Variants in NTM observed in about 807,000 individuals in gnomAD.
The protein encoded by NTM is neurotrimin.
Under a neutral mutation model 42.1 loss-of-function variants are expected in NTM, and 13 were observed. The ratio of observed to expected loss-of-function variants is 0.31; its 90% confidence interval spans 0.20 to 0.49. The LOEUF (loss-of-function observed/expected upper bound fraction) is 0.49. Among genes scored for constraint, NTM ranks in the 20% least tolerant of loss-of-function variants. The probability of loss-of-function intolerance (pLI) is 0.99; values close to 1 mark genes in which losing one functional copy is unlikely to be tolerated. For missense variants in NTM, 373 were observed against 452.8 expected (o/e 0.82, Z 1.60); for synonymous variants, 187 against 179.2 (o/e 1.04, Z -0.35).
intron 1 of NTM, among the ~76,000 whole-genome samples, chr11:131,733,506 CCTTCCTTCCTTCCTTTCTTT>C (rs1260739933): frequency 6.9e-6 from 1 of 144,774 alleles, no homozygotes; most frequent in Non-Finnish European, 1.5e-5. Flanking sequence ...TTCCTTCCTT[CCTTCCTTCCTTCCTTTCTTT>C]CTTTCTTTCG....
At chr11:131,427,620 C>A (rs758657831) in intron 1 of NTM, among the ~76,000 whole-genome samples, 1 of 152,234 alleles carries the variant, frequency 6.6e-6, no homozygotes, top group African/African-American at 2.4e-5. Flanking sequence ...GTACTTCCCA[C>A]TTCACCTGGT....
At chr11:131,421,810 A>G (rs1591621497) in intron 1 of NTM, among the ~76,000 whole-genome samples, 3 of 152,130 alleles carry the variant, frequency 2.0e-5, no homozygotes, top group Admixed American at 2.0e-4. Context: ...GGGGTTAGCT[A>G]TTTTCTTCTT....
intron 1 of NTM, among the ~76,000 whole-genome samples, chr11:131,684,687 T>G (rs2658846): frequency 0.29 from 43,616 of 152,242 alleles, 6,881 homozygotes; most frequent in African/African-American, 0.41. Context: ...CTGCCTCTGT[T>G]TGAGAAGCCT....
intron 4 of NTM, among the ~76,000 whole-genome samples, chr11:132,290,916 AAAGAT>A (rs958971989): frequency 1.3e-5 from 2 of 152,154 alleles, no homozygotes; most frequent in African/African-American, 2.4e-5. Context: ...TAGTATGACA[AAAGAT>A]AAGATGACGT....
intron 1 of NTM, chr11:131,910,882 C>G (rs551693127): frequency 7.1e-6 from 7 of 985,362 alleles, no homozygotes; most frequent in East Asian, 1.1e-4. Flanking sequence ...GGATCCCGGG[C>G]CCGGATCGCA....
chr11:131,703,109 G>A (rs1311429087), intron 1 of NTM, among the ~76,000 whole-genome samples: 1 of 152,200 alleles, frequency 6.6e-6, no homozygotes, highest in Non-Finnish European at 1.5e-5. Flanking sequence ...AACATTAGAA[G>A]TATTGAGTTA....
intron 4 of NTM, among the ~76,000 whole-genome samples, chr11:132,226,737 GGA>G (rs1212234474): frequency 6.6e-6 from 1 of 152,160 alleles, no homozygotes; most frequent in East Asian, 1.9e-4. Flanking sequence ...ATGACGTCAT[GGA>G]CTGCAGTGGT....
At chr11:131,876,075 G>A (rs369483091) in intron 1 of NTM, among the ~76,000 whole-genome samples, 8 of 152,116 alleles carry the variant, frequency 5.3e-5, no homozygotes, top group African/African-American at 1.9e-4. Flanking sequence ...ATTTGAAGGG[G>A]GATAAAGTAG....
chr11:131,508,784 AAC>A (rs1376431684), intron 1 of NTM, among the ~76,000 whole-genome samples: 6 of 135,720 alleles, frequency 4.4e-5, no homozygotes, highest in Non-Finnish European at 9.5e-5. Flanking sequence ...CTATCGCAAG[AAC>A]AAAAAACCAA....
chr11:132,247,893 A>G (rs1233719723), intron 4 of NTM, among the ~76,000 whole-genome samples: 17 of 152,062 alleles, frequency 1.1e-4, no homozygotes, highest in Admixed American at 1.1e-3. Flanking sequence ...TGTATCTCTA[A>G]TCTTAAATCT....
At chr11:131,790,003 A>G (rs545034451) in intron 1 of NTM, among the ~76,000 whole-genome samples, 1 of 151,834 alleles carries the variant, frequency 6.6e-6, no homozygotes. Flanking sequence ...AATGAAGAAA[A>G]CAACACATTT....
chr11:131,787,489 G>A (rs7941858), intron 1 of NTM, among the ~76,000 whole-genome samples: 54,898 of 151,306 alleles, frequency 0.36, 10,611 homozygotes, highest in East Asian at 0.56. Flanking sequence ...GGGTTCAAGC[G>A]ATTCTCCTGC....
chr11:131,836,615 C>T (rs528710533), intron 1 of NTM, among the ~76,000 whole-genome samples: 2 of 152,172 alleles, frequency 1.3e-5, no homozygotes, highest in African/African-American at 4.8e-5. Context: ...CCTCTGTATG[C>T]TTCTCTCCAT....
intron 1 of NTM, among the ~76,000 whole-genome samples, chr11:131,618,395 G>A (rs959291090): frequency 1.1e-4 from 17 of 152,354 alleles, no homozygotes; most frequent in African/African-American, 4.1e-4. Context: ...ATGGCCAAGT[G>A]CAATCCAAGA....
chr11:131,599,740 A>G (rs1487020929), intron 1 of NTM, among the ~76,000 whole-genome samples: 1 of 152,188 alleles, frequency 6.6e-6, no homozygotes, highest in Non-Finnish European at 1.5e-5. Context: ...GGCACCCCAG[A>G]AGCACAGAAA....
intron 1 of NTM, chr11:131,663,321 A>T (rs1338902850): frequency 6.6e-6 from 1 of 152,112 alleles, no homozygotes; most frequent in African/African-American, 2.4e-5. Flanking sequence ...GTTTAACTTC[A>T]CAGCTTGGCT....
intron 1 of NTM, among the ~76,000 whole-genome samples, chr11:131,401,988 G>A (rs1264392243): frequency 6.6e-6 from 1 of 150,622 alleles, no homozygotes; most frequent in East Asian, 2.0e-4. Context: ...CAAAGTCTTG[G>A]CAGAAGACAC....
intron 1 of NTM, among the ~76,000 whole-genome samples, chr11:131,765,809 C>T (rs576638558): frequency 2.6e-5 from 4 of 152,332 alleles, no homozygotes; most frequent in Admixed American, 2.6e-4. Context: ...AGAGCGTTTA[C>T]TTGGGCCAAG....
intron 1 of NTM, among the ~76,000 whole-genome samples, chr11:131,514,828 A>G (rs1565587616): frequency 6.6e-6 from 1 of 152,070 alleles, no homozygotes; most frequent in East Asian, 1.9e-4. Context: ...TAAGGCTCAA[A>G]CGATCCTACT....
Sources: allele counts gnomAD v4.1 joint callset (sites outside exome capture counted in the v4.1 genomes callset), GRCh38; gene constraint gnomAD v4.1.1; transcripts MANE v1.5; gene names NCBI Gene and HGNC (gene_info 2026-07-23, HGNC 2026-07-21).